NEK11: variants seen among roughly 807,000 people sequenced by gnomAD.
The protein encoded by NEK11 is NIMA related kinase 11.
Under a neutral mutation model 80.7 loss-of-function variants are expected in NEK11, and 72 were observed. The observed-to-expected ratio is 0.89, with a 90% confidence interval of 0.74 to 1.08. The LOEUF (loss-of-function observed/expected upper bound fraction) is 1.08. Ranked by LOEUF, NEK11 falls within the 50% of genes least tolerant of loss-of-function variation. The pLI is 0.00. For missense variants in NEK11, 764 were observed against 763.6 expected, an observed-to-expected ratio of 1.00 and a Z score of -0.01; for synonymous variants, 251 against 260.7, an observed-to-expected ratio of 0.96 and a Z score of 0.36.
At chr3:131,187,075 G>T (rs576212068) in intron 14 of NEK11, among the ~76,000 whole-genome samples, 1 of 152,140 alleles carries the variant, frequency 6.6e-6, no homozygotes, top group Admixed American at 6.6e-5. Context: ...GCTTGTTTCT[G>T]GTGCTGTGCG....
At chr3:131,183,519 A>G (rs1245582825) in intron 14 of NEK11, among the ~76,000 whole-genome samples, 1 of 152,160 alleles carries the variant, frequency 6.6e-6, no homozygotes. Flanking sequence ...CCAGCTTATA[A>G]GTGAGAACAT....
intron 5 of NEK11, among the ~76,000 whole-genome samples, chr3:131,132,306 T>C (rs1224169268): frequency 6.6e-6 from 1 of 152,034 alleles, no homozygotes; most frequent in Non-Finnish European, 1.5e-5. Flanking sequence ...TACTGACTTA[T>C]AGTCAGATTT....
At chr3:131,082,998 G>T (rs1376388327) in intron 4 of NEK11, among the ~76,000 whole-genome samples, 1 of 152,176 alleles carries the variant, frequency 6.6e-6, no homozygotes. Context: ...ATGAAACCCA[G>T]TGGTTCTCAA....
intron 5 of NEK11, among the ~76,000 whole-genome samples, chr3:131,118,937 A>AT (rs1423222233): frequency 2.0e-4 from 31 of 151,942 alleles, no homozygotes; most frequent in African/African-American, 6.3e-4. Flanking sequence ...GGATTGATTG[A>AT]TTTTTTGAAG....
intron 3 of NEK11, among the ~76,000 whole-genome samples, chr3:131,071,728 C>T (rs138951871): frequency 1.4e-4 from 22 of 151,930 alleles, no homozygotes; most frequent in Admixed American, 2.0e-4. Context: ...TTTTTTTTCT[C>T]ACAATAGGTT....
chr3:131,111,104 C>T (rs557702215), intron 5 of NEK11, among the ~76,000 whole-genome samples: 1 of 152,072 alleles, frequency 6.6e-6, no homozygotes, highest in South Asian at 2.1e-4. Flanking sequence ...TAAAAAACAA[C>T]ACATATTAAG....
intron 5 of NEK11, among the ~76,000 whole-genome samples, chr3:131,115,907 T>C (rs564563657): frequency 2.1e-4 from 6 of 27,996 alleles, no homozygotes; most frequent in Admixed American, 8.1e-4. Flanking sequence ...TAGTGTTTTC[T>C]TTCTTTCTTT....
chr3:131,166,098 T>A (rs2092196696), intron 12 of NEK11, among the ~76,000 whole-genome samples: 1 of 152,186 alleles, frequency 6.6e-6, no homozygotes, highest in Non-Finnish European at 1.5e-5. Flanking sequence ...TGACAATATC[T>A]CCACAGGCCT....
At chr3:131,271,652 G>A (rs2108647939) in intron 16 of NEK11, among the ~76,000 whole-genome samples, 1 of 151,868 alleles carries the variant, frequency 6.6e-6, no homozygotes, top group South Asian at 2.1e-4. Context: ...AAAATTAGCT[G>A]GGCTTGGTGG....
chr3:131,162,886 G>A (rs550753428), intron 11 of NEK11, among the ~76,000 whole-genome samples: 2 of 152,128 alleles, frequency 1.3e-5, no homozygotes, highest in Non-Finnish European at 2.9e-5. Flanking sequence ...TGCTTGCTGC[G>A]TACCTTCTAC....
rs1450786362 is a variant in NEK11, at chr3:131,026,986, C to G, written c.-190C>G. Reference sequence around the variant, plus strand: ...AAGACTTGGGCAGCCCCGGGCGCCGCTCCGACCACGACAGGGAAAGGTAAA... The same window carrying G: ...AAGACTTGGGCAGCCCCGGGCGCCGGTCCGACCACGACAGGGAAAGGTAAA... On this transcript the variant is annotated 5_prime_UTR_variant, in exon 1 of 18. Transcript: ENST00000383366. 6.6e-6 allele frequency: 1 copy of G among 152,320 alleles called. No homozygotes were observed. The highest frequency in any genetic ancestry group is 1.5e-5 in the Non-Finnish European group (1 of 68,162). The allele number at this position is 152,320 out of a possible 1,614,324, so 9.4% of individuals were successfully genotyped here. A position where few individuals can be genotyped will look rare whatever the true frequency, so the allele number is the denominator to read the frequency against.
At chr3:131,096,465 G>T (rs1334386389) in intron 4 of NEK11, among the ~76,000 whole-genome samples, 1 of 152,034 alleles carries the variant, frequency 6.6e-6, no homozygotes, top group African/African-American at 2.4e-5. Flanking sequence ...CTTTGCTGTT[G>T]TGAATAGTGT....
chr3:131,322,514 A>G (rs867581537), intron 17 of NEK11, among the ~76,000 whole-genome samples: 2 of 152,372 alleles, frequency 1.3e-5, no homozygotes, highest in Middle Eastern at 3.4e-3. Flanking sequence ...GAGTCTTGCT[A>G]CTATAAATGT....
At chr3:131,215,103 T>C (rs1180066367) in intron 14 of NEK11, among the ~76,000 whole-genome samples, 1 of 152,114 alleles carries the variant, frequency 6.6e-6, no homozygotes, top group African/African-American at 2.4e-5. Flanking sequence ...TGAGGTTCAG[T>C]TCCACTTGCA....
intron 17 of NEK11, among the ~76,000 whole-genome samples, chr3:131,338,668 G>A (rs1028414651): frequency 6.6e-6 from 1 of 152,110 alleles, no homozygotes; most frequent in Non-Finnish European, 1.5e-5. Flanking sequence ...GCAATAAAAG[G>A]AACAAATTAT....
chr3:131,202,746 GC>G lies in NEK11; in HGVS notation c.1400-25777del, dbSNP rs575278503. Among the ~76,000 whole-genome samples the G allele has an allele frequency of 4.0e-3, 603 of 152,086 alleles. 2 individuals carry two copies. Among genetic ancestry groups the G allele is most frequent in the African/African-American group, 0.013 (546 of 41,480 alleles). The stretch of plus-strand genomic sequence containing the variant: ...AAATTTACGAGAAAAAAATCAAACA[GC>G]CCCCTCAAAAAGTGAGCAAAGGATA... On this transcript the variant is annotated intron_variant, in intron 14 of 17. Transcript: ENST00000383366.
rs141103562 is a variant in NEK11 at position 131,129,504 on chromosome 3, T to C, written c.456-3241T>C. Among the ~76,000 whole-genome samples, 356 of 152,352 alleles carry C rather than the reference T, an allele frequency of 2.3e-3. 1 individual carries two copies. The highest frequency in any genetic ancestry group is 8.1e-3 in the African/African-American group (335 of 41,594). ...TCTTTCATGGATTGTGACTTTGGTG[T>C]TATATTTAAAAAGTTATCACCAAAC... On this transcript the variant is annotated intron_variant, in intron 5 of 17. Coordinates refer to ENST00000383366, the MANE Select transcript of NEK11 (RefSeq NM_024800.5).
At chr3:131,048,356 T>A (rs902329922) in intron 3 of NEK11, among the ~76,000 whole-genome samples, 2 of 152,206 alleles carry the variant, frequency 1.3e-5, no homozygotes, top group Non-Finnish European at 2.9e-5. Context: ...CAGCTGGAAG[T>A]TTCCTTCTCC....
At chr3:131,229,047 T>C (rs2095276164) in intron 15 of NEK11, among the ~76,000 whole-genome samples, 1 of 152,162 alleles carries the variant, frequency 6.6e-6, no homozygotes, top group African/African-American at 2.4e-5. Flanking sequence ...TTATATACTT[T>C]TCTGTCTGGT....
Sources: gnomAD v4.1 joint callset for allele counts (sites outside exome capture counted in the v4.1 genomes callset) on GRCh38, gnomAD v4.1.1 for gene constraint, MANE v1.5 for transcripts, NCBI Gene and HGNC (gene_info 2026-07-23, HGNC 2026-07-21) for gene names.